Variants in MCC observed in about 807,000 individuals in gnomAD.
MCC encodes the protein MCC regulator of Wnt signaling pathway.
MCC carries 90 observed loss-of-function variants against 116.2 expected under a neutral mutation model. That is an observed-to-expected ratio of 0.77 (90% CI 0.65 to 0.92). The LOEUF (loss-of-function observed/expected upper bound fraction) is 0.92. Ranked by LOEUF, MCC falls within the 40% of genes least tolerant of loss-of-function variation. The pLI is 0.00. For missense variants in MCC, 1,516 were observed against 1,312.2 expected (o/e 1.16, Z -2.40); for synonymous variants, 578 against 510.5 (o/e 1.13, Z -1.78).
At chr5:113,463,687 A>G (rs1201689014) in intron 1 of MCC, among the ~76,000 whole-genome samples, 1 of 152,202 alleles carries the variant, frequency 6.6e-6, no homozygotes, top group Non-Finnish European at 1.5e-5. Context: ...GATGATTTAT[A>G]GGCAGTTGGG....
At chr5:113,321,444 A>T (rs2150371317) in intron 3 of MCC, among the ~76,000 whole-genome samples, 1 of 152,320 alleles carries the variant, frequency 6.6e-6, no homozygotes, top group Non-Finnish European at 1.5e-5. Flanking sequence ...GGTAAAATCT[A>T]AGTCAGAGCT....
intron 3 of MCC, among the ~76,000 whole-genome samples, chr5:113,153,511 A>G (rs1760004229): frequency 6.6e-6 from 1 of 152,202 alleles, no homozygotes; most frequent in South Asian, 2.1e-4. Flanking sequence ...AGCTCTCCAG[A>G]TTTCCAGGAA....
At chr5:113,241,611 C>T (rs1273099678) in intron 3 of MCC, among the ~76,000 whole-genome samples, 2 of 152,210 alleles carry the variant, frequency 1.3e-5, no homozygotes, top group African/African-American at 4.8e-5. Context: ...GGACTACTGT[C>T]TCTCACCTTG....
chr5:113,071,123 G>A lies in MCC; in HGVS notation c.1896C>T (p.Ala632=). 4 of 1,613,956 alleles carry A rather than the reference G, an allele frequency of 2.5e-6. No individual in the cohort carries two copies. The highest frequency in any genetic ancestry group is 3.4e-6 in the Non-Finnish European group (4 of 1,179,988). Residue 632 remains alanine (A), a synonymous_variant, in exon 12 of 19, where the codon GCC becomes GCT. Coordinates refer to ENST00000408903, the MANE Select transcript of MCC (RefSeq NM_001085377.2). ...ACTGCAAGGCCAGCCTCAGCGCTGT[G>A]GCATTGGATTCGTATTTTCCCACCA... ...SMLVGKYESN[A]TALRLALQYS...
intron 2 of MCC, among the ~76,000 whole-genome samples, chr5:113,358,851 A>T (rs1279144439): frequency 3.3e-5 from 5 of 152,194 alleles, no homozygotes; most frequent in African/African-American, 4.8e-5. Flanking sequence ...TCATTTATTA[A>T]TGTCAATGCT....
Position 113,068,127 on chromosome 5 carries a change from C to G in MCC, c.1982G>C (p.Ser661Thr), listed in dbSNP as rs1753754082. ...CGCTCGGAACTGCCCCAGGATGAGG[C>G]TCTGCTCACTCTCTGCCAGCGCCAG... ...LLLALAESEQ[S>T]LILGQFRAAG... Residue 661 changes from serine (S) to threonine (T), a missense_variant, in exon 13 of 19, where the codon AGC becomes ACC. By Grantham distance (58) the Ser-to-Thr change is moderately conservative. Transcript: ENST00000408903. 1 of 1,614,096 alleles carries G rather than the reference C, an allele frequency of 6.2e-7. No individual in the cohort carries two copies. The highest frequency in any genetic ancestry group is 1.7e-5 in the Admixed American group (1 of 60,004).
intron 1 of MCC, among the ~76,000 whole-genome samples, chr5:113,412,784 C>T (rs1278019887): frequency 1.3e-5 from 2 of 152,066 alleles, no homozygotes; most frequent in Non-Finnish European, 2.9e-5. Flanking sequence ...GCCTGACTGC[C>T]CTGGCCAGAA....
intron 3 of MCC, among the ~76,000 whole-genome samples, chr5:113,168,743 G>A (rs961405793): frequency 2.0e-5 from 3 of 152,084 alleles, no homozygotes; most frequent in African/African-American, 4.8e-5. Context: ...CTAGTGGGTG[G>A]TGTTGGGGGG....
At chr5:113,455,906 T>C (rs1481936764) in intron 1 of MCC, among the ~76,000 whole-genome samples, 2 of 152,172 alleles carry the variant, frequency 1.3e-5, no homozygotes, top group Non-Finnish European at 2.9e-5. Context: ...TCCCTATATA[T>C]TTTGGAAATA....
chr5:113,100,056 A>T (rs1756299001), intron 8 of MCC, among the ~76,000 whole-genome samples: 1 of 152,202 alleles, frequency 6.6e-6, no homozygotes, highest in Non-Finnish European at 1.5e-5. Flanking sequence ...GGGATGATTT[A>T]CACCTGCTGA....
intron 3 of MCC, among the ~76,000 whole-genome samples, chr5:113,225,771 A>G (rs1763709075): frequency 6.6e-6 from 1 of 152,228 alleles, no homozygotes; most frequent in African/African-American, 2.4e-5. Context: ...GAACAATGGA[A>G]TGTCAGAACC....
At chr5:113,451,863 G>T (rs138219360) in intron 1 of MCC, among the ~76,000 whole-genome samples, 15 of 152,348 alleles carry the variant, frequency 9.8e-5, no homozygotes, top group African/African-American at 3.6e-4. Flanking sequence ...TAAAAAATCA[G>T]TGTGTTTAAC....
At chr5:113,265,690 A>AT (rs992683089) in intron 3 of MCC, among the ~76,000 whole-genome samples, 1 of 151,910 alleles carries the variant, frequency 6.6e-6, no homozygotes, top group Non-Finnish European at 1.5e-5. Flanking sequence ...ATATCTCTTG[A>AT]TTTTTTTCCC....
intron 2 of MCC, among the ~76,000 whole-genome samples, chr5:113,380,606 G>A (rs1041370922): frequency 1.3e-5 from 2 of 152,150 alleles, no homozygotes; most frequent in African/African-American, 2.4e-5. Context: ...GACAATCAAC[G>A]TCATTAGTAA....
At chr5:113,232,114 C>T (rs1333889767) in intron 3 of MCC, among the ~76,000 whole-genome samples, 1 of 152,102 alleles carries the variant, frequency 6.6e-6, no homozygotes, top group East Asian at 1.9e-4. Context: ...AAAGCAAACT[C>T]TAAAATAAAA....
rs1177983084 is a variant in MCC at position 113,436,150 on chromosome 5, T to C, written c.171-50938A>G. ...AGAGCTGGATGTCGCTCAGGCTGGGTTGGGTCACCACCAGCTGTGGCCCTT... is the reference window on the plus strand; with the variant it reads ...AGAGCTGGATGTCGCTCAGGCTGGGCTGGGTCACCACCAGCTGTGGCCCTT... On this transcript the variant is annotated intron_variant, in intron 1 of 18. Coordinates refer to ENST00000408903, the MANE Select transcript of MCC (RefSeq NM_001085377.2). 3 of 152,506 alleles carry C rather than the reference T, an allele frequency of 2.0e-5. No individual in the cohort carries two copies. The East Asian group carries it at 5.8e-4, about 29-fold the overall frequency. 9.4% of individuals were successfully genotyped at this position (152,506 alleles called of 1,614,324 possible). A position where few individuals can be genotyped will look rare whatever the true frequency, so the allele number is the denominator to read the frequency against.
At chr5:113,191,088 C>A (rs771876731) in intron 3 of MCC, among the ~76,000 whole-genome samples, 1 of 152,130 alleles carries the variant, frequency 6.6e-6, no homozygotes, top group Non-Finnish European at 1.5e-5. Context: ...AATCCAAAAA[C>A]GATAATCACC....
rs76955846 is a variant in MCC, at chr5:113,303,520, T to C, written c.627+36999A>G. Reference sequence around the variant, plus strand: ...GATGCTGCTGAGAGTTTAAGAAAGCTGACAATGAAGAAGTGTCATCTGGCT... The same window carrying C: ...GATGCTGCTGAGAGTTTAAGAAAGCCGACAATGAAGAAGTGTCATCTGGCT... On this transcript the variant is annotated intron_variant, in intron 3 of 18. Transcript: ENST00000408903. Among the ~76,000 whole-genome samples, 1,086 of 152,298 alleles carry C rather than the reference T, an allele frequency of 7.1e-3. 6 individuals are homozygous for C. The highest frequency in any genetic ancestry group is 0.014 in the African/African-American group (575 of 41,554).
In MCC at chr5:113,079,943, A is replaced by C. The variant is rs1181215335; in HGVS notation, c.1784+2917T>G. Among the ~76,000 whole-genome samples the C allele has an allele frequency of 2.0e-5, 3 of 152,248 alleles. No homozygotes were observed. In the East Asian group the frequency reaches 5.8e-4, roughly 29 times the overall value. On this transcript the variant is annotated intron_variant, in intron 11 of 18. Transcript: ENST00000408903. The stretch of plus-strand genomic sequence containing the variant: ...GGCTAATATCCAGAATCTATAAACA[A>C]ACAAATTTACAAGACAAAATCAAAC...
Sources: gnomAD v4.1 joint callset for allele counts (sites outside exome capture counted in the v4.1 genomes callset) on GRCh38, gnomAD v4.1.1 for gene constraint, MANE v1.5 for transcripts, NCBI Gene and HGNC (gene_info 2026-07-23, HGNC 2026-07-21) for gene names.